The following SEPTIN5 variants were observed in gnomAD, a reference collection of about 807,000 sequenced individuals.
SEPTIN5 encodes septin 5.
In SEPTIN5, 16 loss-of-function variants were observed where a neutral mutation model predicts 51.2. The observed-to-expected ratio is 0.31, with a 90% confidence interval of 0.21 to 0.47. SEPTIN5 has a LOEUF of 0.47. Among genes scored for constraint, SEPTIN5 ranks in the 20% least tolerant of loss-of-function variants. The pLI, the probability that SEPTIN5 is intolerant of heterozygous loss-of-function variation, is 0.99. For synonymous variants in SEPTIN5, 208 were observed against 191.2 expected, an observed-to-expected ratio of 1.09 and a Z score of -0.72; for missense variants, 376 against 500.3, an observed-to-expected ratio of 0.75 and a Z score of 2.37.
At chr22:19,717,388 G>A (rs1175920071) in intron 2 of SEPTIN5, 1 of 469,034 alleles carries the variant, frequency 2.1e-6, no homozygotes, top group Non-Finnish European at 4.4e-6. Context: ...TAGCCACATG[G>A]GAGGGAGGCC....
rs1337858518 is a variant in SEPTIN5 at position 19,720,356 on chromosome 22, T to C, written c.399T>C (p.Phe133=). The C allele has an allele frequency of 1.7e-5, 27 of 1,613,860 alleles. No homozygotes were observed. The highest frequency in any genetic ancestry group is 2.2e-5 in the Non-Finnish European group (26 of 1,180,026). ...TCACCGACTATGTGGACCAGCAGTTTGAGCAGTACTTCCGTGATGAGAGCG... is the reference window on the plus strand; with the variant it reads ...TCACCGACTATGTGGACCAGCAGTTCGAGCAGTACTTCCGTGATGAGAGCG... The part of the protein sequence containing the change: ...KPITDYVDQQ[F]EQYFRDESGL... Residue 133 remains phenylalanine (F), a synonymous_variant, in exon 6 of 12, where the codon TTT becomes TTC. Coordinates refer to ENST00000455784, the MANE Select transcript of SEPTIN5 (RefSeq NM_002688.6).
chr22:19,719,750 G>A, intron 3 of SEPTIN5, 52 bp downstream of exon 3: 2 of 1,611,900 alleles, frequency 1.2e-6, no homozygotes, highest in Non-Finnish European at 8.5e-7. Flanking sequence ...GGCCAGCCAA[G>A]CTCTGTCGTT....
chr22:19,719,946 C>A, intron 4 of SEPTIN5, 54 bp downstream of exon 4: 2 of 1,603,794 alleles, frequency 1.2e-6, no homozygotes, highest in Non-Finnish European at 1.7e-6. Context: ...TTCCATGGGA[C>A]CTCTCCAAGG....
intron 8 of SEPTIN5, 125 bp downstream of exon 8, chr22:19,720,994 C>A: frequency 2.5e-6 from 2 of 800,282 alleles, no homozygotes; most frequent in South Asian, 2.9e-5. Context: ...GTGCAAGAGT[C>A]ATTTGTTCTA....
chr22:19,714,572 C>G lies in SEPTIN5; in HGVS notation c.-17C>G. The G allele has an allele frequency of 7.1e-7, 1 of 1,413,496 alleles. No homozygotes were observed. 87.6% of individuals were successfully genotyped at this position (1,413,496 alleles called of 1,614,324 possible). ...CGCCCGCGAGCCCGCCCCGCACGTC[C>G]CCCGCCGGCGGCCACCATGAGCACA... On this transcript the variant is annotated 5_prime_UTR_variant, in exon 1 of 12. Coordinates refer to ENST00000455784, the MANE Select transcript of SEPTIN5 (RefSeq NM_002688.6). This position sits in a 1 kb window ranked among gnomAD's most constrained non-coding sequence, Gnocchi z 5.2.
At position 19,720,763 on chromosome 22, in the gene SEPTIN5, C is replaced by G. The variant is rs956285304; in HGVS notation, c.616-5C>G. 5.6e-6 allele frequency: 9 copies of G among 1,613,298 alleles called. No homozygotes were observed. The highest frequency in any genetic ancestry group is 7.6e-6 in the Non-Finnish European group (9 of 1,179,842). ...TCAAATCTGATGGTCCTTGCCCCAC[C>G]ACAGATCCGGGAGGAGATTGACAAG... On this transcript the variant is annotated splice_polypyrimidine_tract_variant and splice_region_variant and intron_variant, in intron 7 of 11. Transcript: ENST00000455784.
intron 2 of SEPTIN5, chr22:19,718,153 C>T (rs929067592): frequency 6.5e-6 from 1 of 153,396 alleles, no homozygotes; most frequent in Admixed American, 6.5e-5. Flanking sequence ...CCGCGCAGCA[C>T]CTCTTGGGGG....
In SEPTIN5 at chr22:19,722,224, CCGCCCCG is replaced by C; in HGVS notation, c.951-9_951-3del. The C allele has an allele frequency of 6.4e-7, 1 of 1,565,506 alleles. No homozygotes were observed. Among genetic ancestry groups the C allele is most frequent in the Non-Finnish European group, 8.7e-7 (1 of 1,151,200 alleles). On this transcript the variant is annotated splice_polypyrimidine_tract_variant and splice_region_variant and intron_variant, in intron 10 of 11. Transcript: ENST00000455784. ...GGCGCCGCCCCGCCCATCCTCCCCC[CCGCCCCG>C]CGCAGCAAACTGACCCAGGACAGCC...
Position 19,721,756 on chromosome 22 carries a change from A to G in SEPTIN5, c.814+20A>G, listed in dbSNP as rs748627705. ...TGGAGGGTGAGTAGAGTCTTGGGGT[A>G]CCAGGTCTGGTGGGGGAAGGCTGTC... On this transcript the variant is annotated intron_variant, in intron 9 of 11. Coordinates refer to ENST00000455784, the MANE Select transcript of SEPTIN5 (RefSeq NM_002688.6). 6.2e-7 allele frequency: 1 copy of G among 1,602,166 alleles called. No homozygotes were observed. Among genetic ancestry groups the G allele is most frequent in the South Asian group, 1.1e-5 (1 of 90,184 alleles).
chr22:19,722,582 C>T lies in SEPTIN5; in HGVS notation c.*98C>T, dbSNP rs1351125207. ...ACCCGGAGACGCGGGGCCACAGCCC[C>T]CAGCTGACCCTAATTTATTCTCAGC... On this transcript the variant is annotated 3_prime_UTR_variant, in exon 12 of 12. Coordinates refer to ENST00000455784, the MANE Select transcript of SEPTIN5 (RefSeq NM_002688.6). The T allele has an allele frequency of 1.6e-6, 2 of 1,266,418 alleles. No individual in the cohort carries two copies. The highest frequency in any genetic ancestry group is 2.2e-6 in the Non-Finnish European group (2 of 898,402). 78.4% of individuals were successfully genotyped at this position (1,266,418 alleles called of 1,614,324 possible).
intron 2 of SEPTIN5, chr22:19,719,158 C>A: frequency 4.3e-6 from 1 of 234,430 alleles, no homozygotes; most frequent in Non-Finnish European, 8.2e-6. Context: ...CCGCCGCCCC[C>A]GCGGCTGGAT....
At chr22:19,718,485 C>G (rs746186706) in intron 2 of SEPTIN5, 12 of 1,194,048 alleles carry the variant, frequency 1.0e-5, no homozygotes, top group Non-Finnish European at 1.2e-5. Flanking sequence ...CGGGGCCTGC[C>G]CGGACTGCGA....
intron 10 of SEPTIN5, 72 bp from the exon 11 acceptor site, chr22:19,722,165 C>G: frequency 1.6e-6 from 2 of 1,253,146 alleles, no homozygotes; most frequent in Non-Finnish European, 2.2e-6. Context: ...CGGGGATGGG[C>G]CAGGCATCGC....
In SEPTIN5 at chr22:19,714,612, G is replaced by A. The variant is rs1191441859; in HGVS notation, c.24G>A (p.Lys8=). 1 of 1,504,270 alleles carries A rather than the reference G, an allele frequency of 6.6e-7. No homozygotes were observed. The highest frequency in any genetic ancestry group is 1.5e-5 in the African/African-American group (1 of 68,406). The allele number at this position is 1,504,270 out of a possible 1,614,324, so 93.2% of individuals were successfully genotyped here. MSTGLRY[K]SKLATPEDKQ... is the part of the protein sequence containing the mutation. ...CCATGAGCACAGGCCTGCGGTACAAGAGCAAGCTGGCGACCCCAGGTGAGC... is the reference window on the plus strand; with the variant it reads ...CCATGAGCACAGGCCTGCGGTACAAAAGCAAGCTGGCGACCCCAGGTGAGC... Residue 8 remains lysine (K), a synonymous_variant, in exon 1 of 12, where the codon AAG becomes AAA. Transcript: ENST00000455784. This position sits in a 1 kb window ranked among gnomAD's most constrained non-coding sequence, Gnocchi z 5.2.
intron 2 of SEPTIN5, among the ~76,000 whole-genome samples, chr22:19,715,022 G>A (rs569607048): frequency 6.6e-6 from 1 of 152,232 alleles, no homozygotes; most frequent in African/African-American, 2.4e-5. Context: ...CCCCTCCCCA[G>A]GATGGGGGGA....
rs368803467 is a variant in SEPTIN5, at chr22:19,717,008, G to T, written c.54+2217G>T. On this transcript the variant is annotated intron_variant, in intron 2 of 11. Transcript: ENST00000455784. ...GACTGAGGGATGCACTGGTAGAGCT[G>T]GGGGGCCTGGAGCTGCCCCCTTTCC... Among the ~76,000 whole-genome samples, 106 of 152,258 alleles carry T rather than the reference G, an allele frequency of 7.0e-4. 1 individual carries two copies. In the East Asian group the frequency reaches 0.019, roughly 27 times the overall value.
rs552331017 is a variant in SEPTIN5 at position 19,719,022 on chromosome 22, G to A, written c.55-580G>A. ...CCTCACGCGACTCCAAAACGCGGCG[G>A]AGAATGCGGCCGTGGGACCCCTCCA... On this transcript the variant is annotated intron_variant, in intron 2 of 11. Transcript: ENST00000455784. The A allele has an allele frequency of 5.8e-6, 3 of 513,060 alleles. No homozygotes were observed. The East Asian group carries it at 1.1e-4, about 19-fold the overall frequency. 31.8% of individuals were successfully genotyped at this position (513,060 alleles called of 1,614,324 possible). A position where few individuals can be genotyped will look rare whatever the true frequency, so the allele number is the denominator to read the frequency against.
At chr22:19,718,595 C>G in intron 2 of SEPTIN5, 1 of 1,291,068 alleles carries the variant, frequency 7.7e-7, no homozygotes, top group Non-Finnish European at 9.8e-7. Context: ...CCTGTCCAGG[C>G]CTCACTTCCC....
chr22:19,715,953 G>A (rs1051189169), intron 2 of SEPTIN5, among the ~76,000 whole-genome samples: 2 of 152,234 alleles, frequency 1.3e-5, no homozygotes, highest in African/African-American at 2.4e-5. Flanking sequence ...CTGAGGCTGG[G>A]AAAGCCAGGA....
Sources: allele counts gnomAD v4.1 joint callset (sites outside exome capture counted in the v4.1 genomes callset), GRCh38; gene constraint gnomAD v4.1.1; non-coding constraint Gnocchi (gnomAD v3.1); transcripts MANE v1.5; gene names NCBI Gene and HGNC (gene_info 2026-07-23, HGNC 2026-07-21).